The following GALNT13 variants were observed in gnomAD, a reference collection of about 807,000 sequenced individuals.
The protein encoded by GALNT13 is UDP-GalNAc:polypeptide N-acetylgalactosaminyltransferase 13.
A neutral mutation model predicts 64.2 loss-of-function variants in GALNT13; 28 were observed. The ratio of observed to expected loss-of-function variants is 0.44; its 90% CI spans 0.32 to 0.60. The LOEUF is 0.60. Among genes scored for constraint, GALNT13 ranks in the 20% least tolerant of loss-of-function variants. GALNT13 has a pLI of 0.05. For synonymous variants in GALNT13, 214 were observed against 224.6 expected (o/e 0.95, Z 0.42); for missense variants, 577 against 669.8 (o/e 0.86, Z 1.53).
chr2:154,104,693 A>G (rs1702521171), intron 3 of GALNT13, among the ~76,000 whole-genome samples: 1 of 152,206 alleles, frequency 6.6e-6, no homozygotes, highest in Non-Finnish European at 1.5e-5. Flanking sequence ...CATACACTAG[A>G]TCTCCAGGTA....
intron 1 of GALNT13, 141 bp from the exon 2 acceptor site, chr2:153,900,795 T>C (rs1043974395): frequency 6.6e-6 from 1 of 152,162 alleles, no homozygotes; most frequent in African/African-American, 2.4e-5. Context: ...CATTATACTT[T>C]GGTAGATATA....
the GALNT13 span, among the ~76,000 whole-genome samples, chr2:153,686,246 AT>A: frequency 6.6e-6 from 1 of 152,072 alleles, no homozygotes; most frequent in Non-Finnish European, 1.5e-5. Flanking sequence ...CAGTATGACC[AT>A]TTTCACAATA....
chr2:153,851,655 T>C, the GALNT13 span, among the ~76,000 whole-genome samples: 1 of 152,004 alleles, frequency 6.6e-6, no homozygotes, highest in African/African-American at 2.4e-5. Flanking sequence ...TAGTGAGATC[T>C]CATTGCACTT....
At chr2:153,612,622 A>G in the GALNT13 span, among the ~76,000 whole-genome samples, 1 of 146,726 alleles carries the variant, frequency 6.8e-6, no homozygotes, top group East Asian at 2.0e-4. Context: ...GTTTTGTATC[A>G]ATAAGAAAAC....
chr2:153,463,554 TC>T, the GALNT13 span, among the ~76,000 whole-genome samples: 1 of 152,022 alleles, frequency 6.6e-6, no homozygotes, highest in African/African-American at 2.4e-5. Flanking sequence ...ACTCCATCTA[TC>T]TTTTGCTTTC....
At position 154,400,416 on chromosome 2, in the gene GALNT13, C is replaced by G. The variant is rs181376428; in HGVS notation, c.1296+4286C>G. ...TTTTAACTTCAATATTTTTCAAACT[C>G]TATTTGATATTGCTGTGTATTGGTG... On this transcript the variant is annotated intron_variant, in intron 10 of 12. Coordinates refer to ENST00000392825, the MANE Select transcript of GALNT13 (RefSeq NM_052917.4). Among the ~76,000 whole-genome samples the G allele has an allele frequency of 6.3e-3, 960 of 152,202 alleles. 5 individuals carry two copies. The highest frequency in any genetic ancestry group is 9.8e-3 in the Admixed American group (149 of 15,282).
intron 8 of GALNT13, among the ~76,000 whole-genome samples, chr2:154,282,764 C>T (rs1692033088): frequency 6.6e-6 from 1 of 152,090 alleles, no homozygotes; most frequent in Non-Finnish European, 1.5e-5. Context: ...CTGAATCTCC[C>T]TCTGGCTTCT....
In GALNT13 at chr2:154,364,635, C is replaced by T. The variant is rs1250424393; in HGVS notation, c.1157-31356C>T. Reference sequence around the variant, plus strand: ...ATGACTATTGAGTATTGTTATCCTTCACTTTTGTTGTTTTGTTTTGTTTTG... The same window carrying T: ...ATGACTATTGAGTATTGTTATCCTTTACTTTTGTTGTTTTGTTTTGTTTTG... On this transcript the variant is annotated intron_variant, in intron 9 of 12. Transcript: ENST00000392825. Among the ~76,000 whole-genome samples the T allele has an allele frequency of 2.7e-5, 4 of 146,518 alleles. No individual in the cohort carries two copies. In the Admixed American group the frequency reaches 2.8e-4, roughly 10 times the overall value.
chr2:153,670,806 A>G, the GALNT13 span, among the ~76,000 whole-genome samples: 1 of 152,228 alleles, frequency 6.6e-6, no homozygotes, highest in Non-Finnish European at 1.5e-5. Flanking sequence ...AAACCTTGAA[A>G]GAAGGTTAGA....
the GALNT13 span, among the ~76,000 whole-genome samples, chr2:153,179,801 T>C: frequency 1.6e-4 from 25 of 152,278 alleles, 1 homozygote; most frequent in South Asian, 5.2e-3. Flanking sequence ...TTATTGTAAA[T>C]GAGACTGTTC....
chr2:153,772,658 GA>G, the GALNT13 span, among the ~76,000 whole-genome samples: 3 of 151,956 alleles, frequency 2.0e-5, no homozygotes, highest in Non-Finnish European at 4.4e-5. Context: ...CCATCCTGGG[GA>G]AAAAAAGGTT....
intron 11 of GALNT13, among the ~76,000 whole-genome samples, chr2:154,411,218 T>C (rs1348276278): frequency 6.6e-6 from 1 of 151,750 alleles, no homozygotes; most frequent in Non-Finnish European, 1.5e-5. Context: ...AAGCATAAAA[T>C]CTATCCCTAC....
chr2:154,069,256 A>T (rs1218519074), intron 3 of GALNT13, among the ~76,000 whole-genome samples: 12 of 152,122 alleles, frequency 7.9e-5, no homozygotes, highest in Non-Finnish European at 1.5e-4. Flanking sequence ...TTGTAAATGG[A>T]AGCACATAGT....
intron 2 of GALNT13, among the ~76,000 whole-genome samples, chr2:153,914,119 A>G (rs1334081956): frequency 6.6e-6 from 1 of 152,172 alleles, no homozygotes. Flanking sequence ...TCAAAATCTT[A>G]TAGCTTTATT....
the GALNT13 span, among the ~76,000 whole-genome samples, chr2:153,602,361 GGTA>G: frequency 6.6e-6 from 1 of 151,716 alleles, no homozygotes; most frequent in Non-Finnish European, 1.5e-5. Flanking sequence ...TGTCAATAGT[GGTA>G]GTTGGTGAAA....
chr2:154,125,351 G>T (rs1285360528), intron 3 of GALNT13, among the ~76,000 whole-genome samples: 1 of 152,092 alleles, frequency 6.6e-6, no homozygotes, highest in Non-Finnish European at 1.5e-5. Flanking sequence ...AAAGGTAAAG[G>T]TTTTGTCAGT....
At chr2:154,151,850 A>C (rs1259381028) in intron 4 of GALNT13, among the ~76,000 whole-genome samples, 26 of 152,212 alleles carry the variant, frequency 1.7e-4, no homozygotes, top group Non-Finnish European at 1.0e-4. Context: ...GGTTTCCTGA[A>C]TACAGCACAC....
chr2:153,887,753 T>C (rs984910572), intron 1 of GALNT13, among the ~76,000 whole-genome samples: 2 of 151,998 alleles, frequency 1.3e-5, no homozygotes, highest in East Asian at 1.9e-4. Context: ...CATTTCCCCC[T>C]TAGTTATTTG....
chr2:153,691,264 AC>A, the GALNT13 span, among the ~76,000 whole-genome samples: 1 of 152,180 alleles, frequency 6.6e-6, no homozygotes, highest in African/African-American at 2.4e-5. Flanking sequence ...ATAAAAACTG[AC>A]AAAAATATTT....
Sources: allele counts gnomAD v4.1 joint callset (sites outside exome capture counted in the v4.1 genomes callset), GRCh38; gene constraint gnomAD v4.1.1; transcripts MANE v1.5; gene names NCBI Gene and HGNC (gene_info 2026-07-23, HGNC 2026-07-21).